PTPRD: variants seen among roughly 807,000 people sequenced by gnomAD.
PTPRD encodes receptor-type tyrosine-protein phosphatase delta.
Under a neutral mutation model 214.5 loss-of-function variants are expected in PTPRD, and 34 were observed. The observed-to-expected ratio is 0.16, with a 90% CI of 0.12 to 0.21. The LOEUF is 0.21. Ranked by LOEUF, PTPRD falls within the 10% of genes least tolerant of loss-of-function variation. The probability of loss-of-function intolerance (pLI) is 1.00; values close to 1 mark genes in which losing one functional copy is unlikely to be tolerated. For synonymous variants in PTPRD, 1,128 were observed against 845.7 expected (o/e 1.33, Z -5.79); for missense variants, 2,545 against 2,398.7 (o/e 1.06, Z -1.27).
intron 5 of PTPRD, among the ~76,000 whole-genome samples, chr9:9,805,829 T>C (rs988206643): frequency 3.3e-5 from 5 of 152,114 alleles, no homozygotes; most frequent in African/African-American, 1.2e-4. Context: ...AATACTCCTA[T>C]TGAGTGAGAA....
intron 3 of PTPRD, among the ~76,000 whole-genome samples, chr9:10,301,742 A>G (rs1596486678): frequency 6.6e-6 from 1 of 152,104 alleles, no homozygotes; most frequent in Non-Finnish European, 1.5e-5. Context: ...AAAGAAATGA[A>G]CAAAGACTCC....
intron 11 of PTPRD, among the ~76,000 whole-genome samples, chr9:8,825,569 T>C (rs1029838222): frequency 2.6e-5 from 4 of 152,148 alleles, no homozygotes; most frequent in Non-Finnish European, 4.4e-5. Context: ...TTAGCAACGT[T>C]TTAAGCAAAG....
chr9:8,982,913 G>A (rs1296387246), intron 11 of PTPRD, among the ~76,000 whole-genome samples: 1 of 151,980 alleles, frequency 6.6e-6, no homozygotes, highest in Non-Finnish European at 1.5e-5. Context: ...GCTTCCATAA[G>A]ATAATGTGGT....
At chr9:10,491,687 G>T (rs977606248) in intron 2 of PTPRD, among the ~76,000 whole-genome samples, 2 of 151,286 alleles carry the variant, frequency 1.3e-5, no homozygotes, top group Non-Finnish European at 2.9e-5. Flanking sequence ...TTTCTAAGAC[G>T]ATATGCCACA....
chr9:10,406,584 T>C (rs1314748808), intron 2 of PTPRD, among the ~76,000 whole-genome samples: 3 of 151,536 alleles, frequency 2.0e-5, no homozygotes, highest in African/African-American at 7.3e-5. Flanking sequence ...TAAAACAAAA[T>C]ATCTGCAACC....
intron 2 of PTPRD, among the ~76,000 whole-genome samples, chr9:10,555,222 A>G (rs1044580527): frequency 6.6e-6 from 1 of 152,224 alleles, no homozygotes; most frequent in Non-Finnish European, 1.5e-5. Flanking sequence ...CAATTTTTAC[A>G]TAGCTAAAAC....
chr9:9,962,575 C>T (rs1212696401), intron 4 of PTPRD, among the ~76,000 whole-genome samples: 1 of 152,048 alleles, frequency 6.6e-6, no homozygotes, highest in Non-Finnish European at 1.5e-5. Context: ...AACTCCGTTG[C>T]CCTTTTTTTC....
chr9:8,824,402 G>T (rs897653917), intron 11 of PTPRD, among the ~76,000 whole-genome samples: 2 of 152,064 alleles, frequency 1.3e-5, no homozygotes, highest in Admixed American at 1.3e-4. Context: ...TAACTATGGG[G>T]GTCTCTTGCA....
intron 3 of PTPRD, among the ~76,000 whole-genome samples, chr9:10,121,557 T>A (rs2098775627): frequency 6.6e-6 from 1 of 152,152 alleles, no homozygotes; most frequent in South Asian, 2.1e-4. Context: ...TTACAGCCTA[T>A]CCAAGAATAT....
chr9:10,296,047 CA>C (rs1470475389), intron 3 of PTPRD, among the ~76,000 whole-genome samples: 1 of 152,036 alleles, frequency 6.6e-6, no homozygotes, highest in African/African-American at 2.4e-5. Flanking sequence ...CACAAGTACA[CA>C]ACTATTTATC....
At chr9:8,504,499 G>T (rs1244666825) in intron 22 of PTPRD, 94 bp from the exon 23 acceptor site, 1 of 1,372,746 alleles carries the variant, frequency 7.3e-7, no homozygotes, top group Non-Finnish European at 1.0e-6. Context: ...CTATCATCAG[G>T]ATTATAATCT....
At chr9:8,475,283 A>G (rs1427192358) in intron 30 of PTPRD, among the ~76,000 whole-genome samples, 2 of 152,120 alleles carry the variant, frequency 1.3e-5, no homozygotes, top group Non-Finnish European at 2.9e-5. Flanking sequence ...CAGACCTTTT[A>G]AGATGTTAAC....
intron 14 of PTPRD, among the ~76,000 whole-genome samples, chr9:8,551,777 G>T (rs1166271557): frequency 1.3e-5 from 2 of 152,100 alleles, no homozygotes; most frequent in Non-Finnish European, 2.9e-5. Flanking sequence ...TTGACTATGA[G>T]GACCAAATCA....
At chr9:9,231,507 G>C (rs10977594) in intron 9 of PTPRD, among the ~76,000 whole-genome samples, 16,744 of 152,116 alleles carry the variant, frequency 0.11, 1,174 homozygotes, top group Non-Finnish European at 0.15. Flanking sequence ...GGACAATTGA[G>C]TACCATTAAA....
At chr9:9,563,887 C>T (rs1230391910) in intron 8 of PTPRD, among the ~76,000 whole-genome samples, 3 of 152,132 alleles carry the variant, frequency 2.0e-5, no homozygotes, top group Non-Finnish European at 2.9e-5. Flanking sequence ...TAACCTTATC[C>T]ATTGATATCC....
At chr9:8,915,679 T>C (rs1319394315) in intron 11 of PTPRD, among the ~76,000 whole-genome samples, 1 of 152,068 alleles carries the variant, frequency 6.6e-6, no homozygotes, top group Non-Finnish European at 1.5e-5. Flanking sequence ...ATGTTTCAAC[T>C]CAAGTCCGAA....
intron 14 of PTPRD, among the ~76,000 whole-genome samples, chr9:8,529,279 G>C (rs571893695): frequency 1.3e-5 from 2 of 152,184 alleles, no homozygotes; most frequent in African/African-American, 2.4e-5. Flanking sequence ...GGAACAAGCA[G>C]AAGCTAGGTC....
At position 9,948,890 on chromosome 9, in the gene PTPRD, A is replaced by G. The variant is rs572365008; in HGVS notation, c.-471-10280T>C. Among the ~76,000 whole-genome samples, 631 of 152,236 alleles carry G rather than the reference A, an allele frequency of 4.1e-3. 4 individuals are homozygous for G. The highest frequency in any genetic ancestry group is 6.8e-3 in the Middle Eastern group (2 of 294). ...TGCAAAGAACAAGATATGGCAGTCA[A>G]ATTTTGAGCTATTTGAAATATAAAT... On this transcript the variant is annotated intron_variant, in intron 4 of 45. Transcript: ENST00000381196.
chr9:8,793,420 G>C (rs966830603), intron 11 of PTPRD, among the ~76,000 whole-genome samples: 1 of 152,168 alleles, frequency 6.6e-6, no homozygotes, highest in Non-Finnish European at 1.5e-5. Context: ...ACCTTCAGAT[G>C]ACTGCAGCCC....
Sources: allele counts gnomAD v4.1 joint callset (sites outside exome capture counted in the v4.1 genomes callset), GRCh38; gene constraint gnomAD v4.1.1; transcripts MANE v1.5; gene names NCBI Gene and HGNC (gene_info 2026-07-23, HGNC 2026-07-21).